The following SHPRH variants were observed in gnomAD, a reference collection of about 807,000 sequenced individuals.
SHPRH encodes SNF2 histone linker PHD RING helicase, also known as E3 ubiquitin-protein ligase SHPRH.
A neutral mutation model predicts 202.5 loss-of-function variants in SHPRH; 106 were observed. That is an observed-to-expected ratio of 0.52 (90% CI 0.45 to 0.62). The LOEUF (loss-of-function observed/expected upper bound fraction) is 0.62. Ranked by LOEUF, SHPRH falls within the 20% of genes least tolerant of loss-of-function variation. The probability of loss-of-function intolerance (pLI) is 0.00; values close to 1 mark genes in which losing one functional copy is unlikely to be tolerated. For synonymous variants in SHPRH, 729 were observed against 686.0 expected, an observed-to-expected ratio of 1.06 and a Z score of -0.98; for missense variants, 1,710 against 2,020.0, an observed-to-expected ratio of 0.85 and a Z score of 2.94.
chr6:145,877,536 T>A (rs758893427), intron 2 of SHPRH: 2 of 152,224 alleles, frequency 1.3e-5, no homozygotes, highest in African/African-American at 2.4e-5. Flanking sequence ...CCATAATATA[T>A]TTCCTTGCCA....
chr6:145,935,007 T>C lies in SHPRH; in HGVS notation c.2890A>G (p.Arg964Gly). 6.2e-7 allele frequency: 1 copy of C among 1,614,096 alleles called. No homozygotes were observed. The highest frequency in any genetic ancestry group is 8.5e-7 in the Non-Finnish European group (1 of 1,180,004). Residue 964 changes from arginine (R) to glycine (G), a missense_variant, in exon 13 of 30, where the codon AGA (arginine) becomes GGA (glycine). Physicochemically the swap from Arg to Gly is moderately radical, Grantham distance 125. This residue lies in a region of SHPRH where 277 missense variants were observed against 363.0 expected (regional missense o/e 0.76). Coordinates refer to ENST00000275233, the MANE Select transcript of SHPRH (RefSeq NM_001042683.3). Reference protein sequence around the residue: ...DWALKLSSLDRRTVTSILYPL... With the variant: ...DWALKLSSLDGRTVTSILYPL... ...TACAGGATAGAGGTGACAGTCCTTC[T>C]GTCTAGGCTGCTGAGCTTCAGAGCC...
At chr6:145,891,923 C>CA (rs1781601701) in intron 28 of SHPRH, among the ~76,000 whole-genome samples, 1 of 152,026 alleles carries the variant, frequency 6.6e-6, no homozygotes, top group Non-Finnish European at 1.5e-5. Flanking sequence ...AGAAAACCAA[C>CA]AAAAAACAAG....
chr6:145,865,827 C>T (rs1409718752), intron 2 of SHPRH, among the ~76,000 whole-genome samples: 3 of 152,162 alleles, frequency 2.0e-5, no homozygotes, highest in Non-Finnish European at 2.9e-5. Context: ...ACCTTTTATG[C>T]TTTCATTTCC....
chr6:145,934,393 G>A (rs1027098360), intron 13 of SHPRH, among the ~76,000 whole-genome samples: 1 of 149,222 alleles, frequency 6.7e-6, no homozygotes, highest in Admixed American at 6.9e-5. Context: ...TGGAACCCAG[G>A]AGGCAGAGAT....
Position 145,943,149 on chromosome 6 carries a change from T to C in SHPRH, c.2232A>G (p.Arg744=). The C allele has an allele frequency of 6.3e-7, 1 of 1,589,532 alleles. No homozygotes were observed. The highest frequency in any genetic ancestry group is 8.6e-7 in the Non-Finnish European group (1 of 1,166,412). ...INRHVRSSSL[R]VLVYQGVKKD... ...TTAGTCCAAGTGGCCTTACCAAGAC[T>C]CGAAGAGATGACGACCTCACATGCC... is the stretch of plus-strand genomic sequence containing the variant. The change falls in exon 9 of 30, where the codon CGA becomes CGG. Residue 744 remains arginine (R), a synonymous_variant. Coordinates refer to ENST00000275233, the MANE Select transcript of SHPRH (RefSeq NM_001042683.3).
intron 25 of SHPRH, among the ~76,000 whole-genome samples, chr6:145,900,019 G>A (rs903664618): frequency 2.6e-5 from 4 of 152,090 alleles, no homozygotes; most frequent in African/African-American, 7.2e-5. Flanking sequence ...TGGTGAGAAG[G>A]TGGAGAAAAA....
At chr6:145,909,336 CACTGCCTGTG>C (rs1283214993) in intron 25 of SHPRH, 1 of 152,118 alleles carries the variant, frequency 6.6e-6, no homozygotes, top group African/African-American at 2.4e-5. Flanking sequence ...AGGCCTAGCA[CACTGCCTGTG>C]TGCTAGTACG....
chr6:145,910,818 A>C (rs1783425372), intron 24 of SHPRH, among the ~76,000 whole-genome samples, 182 bp from the exon 25 acceptor site: 1 of 152,124 alleles, frequency 6.6e-6, no homozygotes, highest in African/African-American at 2.4e-5. Context: ...CATAATCTTT[A>C]GTTCTGTTTA....
intron 28 of SHPRH, among the ~76,000 whole-genome samples, chr6:145,889,632 G>T (rs1444817572): frequency 1.3e-5 from 2 of 152,090 alleles, no homozygotes; most frequent in African/African-American, 2.4e-5. Flanking sequence ...ATTTGTATAT[G>T]AAACATAAAT....
At chr6:145,912,106 GC>G (rs145851315) in intron 24 of SHPRH, among the ~76,000 whole-genome samples, 12,115 of 151,610 alleles carry the variant, frequency 0.08, 1,610 homozygotes, top group African/African-American at 0.27. Context: ...GAGATACCTG[GC>G]ACCTGACCAT....
intron 14 of SHPRH, among the ~76,000 whole-genome samples, chr6:145,932,575 CAG>C (rs773075718): frequency 6.6e-6 from 1 of 152,010 alleles, no homozygotes; most frequent in Non-Finnish European, 1.5e-5. Flanking sequence ...TCTGCAAGAT[CAG>C]AGTTACTTTA....
At position 145,885,652 on chromosome 6, in the gene SHPRH, G is replaced by A. The variant is rs553831647; in HGVS notation, c.*1039C>T. On this transcript the variant is annotated 3_prime_UTR_variant, in exon 30 of 30. Coordinates refer to ENST00000275233, the MANE Select transcript of SHPRH (RefSeq NM_001042683.3). ...TTCCTCACAGAAGAAGAAACACTTCGTTATTATCACTTGCAACGATTTGCT... is the reference window on the plus strand; with the variant it reads ...TTCCTCACAGAAGAAGAAACACTTCATTATTATCACTTGCAACGATTTGCT... 1.3e-5 allele frequency: 2 copies of A among 151,850 alleles called. No individual in the cohort carries two copies. The highest frequency in any genetic ancestry group is 1.3e-4 in the Admixed American group (2 of 15,262). The allele number at this position is 151,850 out of a possible 1,614,324, so 9.4% of individuals were successfully genotyped here.
At chr6:145,950,756 T>C (rs571428000) in intron 3 of SHPRH, among the ~76,000 whole-genome samples, 1 of 152,250 alleles carries the variant, frequency 6.6e-6, no homozygotes, top group South Asian at 2.1e-4. Context: ...ATTATTACAT[T>C]GTAATCTATC....
intron 25 of SHPRH, chr6:145,903,856 C>G (rs1782718738): frequency 6.6e-6 from 1 of 152,064 alleles, no homozygotes; most frequent in Non-Finnish European, 1.5e-5. Flanking sequence ...CCTACTTCAC[C>G]ATCCAAAATG....
Position 145,922,704 on chromosome 6 carries a change from T to C in SHPRH, c.3678A>G (p.Ala1226=). 1.2e-6 allele frequency: 2 copies of C among 1,611,676 alleles called. No individual in the cohort carries two copies. The highest frequency in any genetic ancestry group is 1.7e-6 in the Non-Finnish European group (2 of 1,178,606). ...GPPSRNVIES[A]TVCHLRPARL... is the part of the protein sequence containing the mutation. Reference sequence around the variant, plus strand: ...TGGCTGGTCGGAGGTGACAGACTGTTGCAGACTCAATAACATTACGAGATG... The same window carrying C: ...TGGCTGGTCGGAGGTGACAGACTGTCGCAGACTCAATAACATTACGAGATG... Residue 1226 remains alanine, a synonymous_variant, in exon 19 of 30, where the codon GCA becomes GCG. Coordinates refer to ENST00000275233, the MANE Select transcript of SHPRH (RefSeq NM_001042683.3).
intron 25 of SHPRH, among the ~76,000 whole-genome samples, chr6:145,900,506 G>C (rs945630227): frequency 2.0e-5 from 3 of 152,066 alleles, no homozygotes; most frequent in Admixed American, 6.6e-5. Flanking sequence ...GGAGTTTGTG[G>C]GGGAAGGGAG....
intron 11 of SHPRH, among the ~76,000 whole-genome samples, chr6:145,937,823 G>A (rs1001439575): frequency 2.6e-5 from 4 of 151,844 alleles, no homozygotes; most frequent in Non-Finnish European, 5.9e-5. Context: ...TCTTTACCTA[G>A]CTCATGTTAA....
intron 13 of SHPRH, 91 bp downstream of exon 13, chr6:145,934,816 T>C: frequency 7.9e-7 from 1 of 1,265,036 alleles, no homozygotes; most frequent in South Asian, 1.6e-5. Context: ...AACTGACAAC[T>C]CAGTTACATG....
chr6:145,943,703 C>T lies in SHPRH; in HGVS notation c.1678G>A (p.Asp560Asn). The stretch of plus-strand genomic sequence containing the variant: ...TTATAATAATAATAGTAAGGATCAT[C>T]ATCATCATCAGAGGTGTCTGATGGC... ...YLPSDTSDDDDDPYYYYYKSR... is the reference protein window; with the variant it reads ...YLPSDTSDDDNDPYYYYYKSR... The change falls in exon 9 of 30, where the codon GAT (aspartate) becomes AAT (asparagine). Residue 560 changes from aspartate (D) to asparagine (N), a missense_variant. Physicochemically the swap from Asp to Asn is conservative, Grantham distance 23. Coordinates refer to ENST00000275233, the MANE Select transcript of SHPRH (RefSeq NM_001042683.3). 6.2e-7 allele frequency: 1 copy of T among 1,613,704 alleles called. No homozygotes were observed. Among genetic ancestry groups the T allele is most frequent in the Non-Finnish European group, 8.5e-7 (1 of 1,179,818 alleles).
Sources: gnomAD v4.1 joint callset for allele counts (sites outside exome capture counted in the v4.1 genomes callset) on GRCh38, gnomAD v4.1.1 for gene constraint, gnomAD v4.1.1 regional missense constraint, MANE v1.5 for transcripts, NCBI Gene and HGNC (gene_info 2026-07-23, HGNC 2026-07-21) for gene names.